Variants in MYOZ2 observed in about 807,000 individuals in gnomAD.
MYOZ2 encodes the protein myozenin 2, also known as myozenin-2.
MYOZ2 carries 19 observed loss-of-function variants against 25.4 expected under a neutral mutation model. The observed-to-expected ratio is 0.75, with a 90% CI of 0.52 to 1.10. MYOZ2 has a LOEUF of 1.10. Among genes scored for constraint, MYOZ2 ranks in the 50% least tolerant of loss-of-function variants. The pLI is 0.00. For missense variants in MYOZ2, 270 were observed against 317.9 expected (o/e 0.85, Z 1.15); for synonymous variants, 92 against 106.9 (o/e 0.86, Z 0.86).
intron 5 of MYOZ2, among the ~76,000 whole-genome samples, chr4:119,165,041 T>C (rs1741791313): frequency 6.6e-6 from 1 of 150,898 alleles, no homozygotes; most frequent in South Asian, 2.1e-4. Context: ...CACTTGACCT[T>C]CATTTTAGAG....
At position 119,174,314 on chromosome 4, in the gene MYOZ2, C is replaced by A. The variant is rs1331639777; in HGVS notation, c.560+9920C>A. Among the ~76,000 whole-genome samples, 3 of 152,318 alleles carry A rather than the reference C, an allele frequency of 2.0e-5. No individual in the cohort carries two copies. The East Asian group carries it at 5.8e-4, about 29-fold the overall frequency. ...CAGGGATTGTAAATGCACCAATCAG[C>A]ACTCTGTATCTAGCTCAAGGTTTGT... On this transcript the variant is annotated intron_variant, in intron 5 of 5. Coordinates refer to ENST00000307128, the MANE Select transcript of MYOZ2 (RefSeq NM_016599.5).
intron 2 of MYOZ2, among the ~76,000 whole-genome samples, chr4:119,137,213 A>T (rs982563408): frequency 6.6e-6 from 1 of 152,146 alleles, no homozygotes; most frequent in Non-Finnish European, 1.5e-5. Context: ...ACTCAAAAAA[A>T]TTTTAATATA....
intron 5 of MYOZ2, among the ~76,000 whole-genome samples, chr4:119,175,737 G>A (rs542085892): frequency 2.0e-5 from 3 of 149,248 alleles, no homozygotes; most frequent in South Asian, 2.2e-4. Context: ...GGGTGACAGC[G>A]TGAGGCTCCA....
intron 2 of MYOZ2, among the ~76,000 whole-genome samples, chr4:119,145,747 ACT>A (rs1176018717): frequency 6.6e-6 from 1 of 151,664 alleles, no homozygotes; most frequent in Non-Finnish European, 1.5e-5. Context: ...ACTAGGAAGA[ACT>A]CTCTTCTATT....
intron 2 of MYOZ2, among the ~76,000 whole-genome samples, chr4:119,141,477 A>C (rs573605971): frequency 6.6e-6 from 1 of 152,054 alleles, no homozygotes; most frequent in East Asian, 1.9e-4. Flanking sequence ...CCACTTCCTG[A>C]GTTCAAGTGA....
At chr4:119,158,330 T>G (rs1186468436) in intron 4 of MYOZ2, among the ~76,000 whole-genome samples, 179 bp downstream of exon 4, 3 of 152,060 alleles carry the variant, frequency 2.0e-5, no homozygotes, top group African/African-American at 7.2e-5. Flanking sequence ...CTGAGGTGGG[T>G]GGATCACCTG....
rs547014473 is a variant in MYOZ2 at position 119,146,901 on chromosome 4, T to G, written c.77-3971T>G. On this transcript the variant is annotated intron_variant, in intron 2 of 5. Coordinates refer to ENST00000307128, the MANE Select transcript of MYOZ2 (RefSeq NM_016599.5). Reference sequence around the variant, plus strand: ...TTTAAATATTTTATAGCTCTGTTTTTGGTGCATGTACATTTGGGATTTCTA... The same window carrying G: ...TTTAAATATTTTATAGCTCTGTTTTGGGTGCATGTACATTTGGGATTTCTA... 5.9e-5 allele frequency among the ~76,000 whole-genome samples: 9 copies of G among 152,350 alleles called. No homozygotes were observed. The South Asian group carries it at 1.9e-3, about 32-fold the overall frequency.
At chr4:119,170,876 A>G (rs1490747637) in intron 5 of MYOZ2, among the ~76,000 whole-genome samples, 2 of 152,198 alleles carry the variant, frequency 1.3e-5, no homozygotes, top group Non-Finnish European at 2.9e-5. Context: ...CACAAAAGGC[A>G]CATGATTGTA....
chr4:119,136,255 C>A (rs186130212), intron 1 of MYOZ2, among the ~76,000 whole-genome samples: 1 of 152,236 alleles, frequency 6.6e-6, no homozygotes, highest in African/African-American at 2.4e-5. Flanking sequence ...GAAAGGAGAC[C>A]AGCAATTTCA....
intron 2 of MYOZ2, among the ~76,000 whole-genome samples, chr4:119,146,264 GC>G (rs1216186675): frequency 6.6e-6 from 1 of 150,978 alleles, no homozygotes; most frequent in Non-Finnish European, 1.5e-5. Context: ...CGTTCTGCTT[GC>G]TTTGAGTTTA....
rs1741961920 is a variant in MYOZ2, at chr4:119,172,228, C to CT, written c.560+7835dup. Reference sequence around the variant, plus strand: ...CCCCCCAAAGGGTTCTCCTTGCCCCCTGCCTAGACAGAGCTGATTTATCAA... The same window carrying CT: ...CCCCCCAAAGGGTTCTCCTTGCCCCCTTGCCTAGACAGAGCTGATTTATCAA... On this transcript the variant is annotated intron_variant, in intron 5 of 5. Transcript: ENST00000307128. Among the ~76,000 whole-genome samples, 4 of 152,344 alleles carry CT rather than the reference C, an allele frequency of 2.6e-5. No homozygotes were observed. The South Asian group carries it at 8.3e-4, about 32-fold the overall frequency.
intron 4 of MYOZ2, among the ~76,000 whole-genome samples, chr4:119,160,210 A>G (rs1231989066): frequency 1.3e-5 from 2 of 152,146 alleles, no homozygotes; most frequent in Non-Finnish European, 2.9e-5. Flanking sequence ...GCACTCAGTT[A>G]AAGTTAATTC....
At chr4:119,136,478 C>T (rs761208004) in intron 1 of MYOZ2, 34 bp from the exon 2 acceptor site, 4 of 1,554,316 alleles carry the variant, frequency 2.6e-6, no homozygotes, top group Non-Finnish European at 2.7e-6. Flanking sequence ...GAGTTCTTCA[C>T]ATTGCCTCAA....
At chr4:119,159,852 A>G (rs1162808690) in intron 4 of MYOZ2, among the ~76,000 whole-genome samples, 1 of 152,212 alleles carries the variant, frequency 6.6e-6, no homozygotes, top group Non-Finnish European at 1.5e-5. Context: ...TTAGCAAAAT[A>G]ATACCGAAGG....
At chr4:119,163,976 AT>A (rs2149225142) in intron 4 of MYOZ2, among the ~76,000 whole-genome samples, 1 of 152,330 alleles carries the variant, frequency 6.6e-6, no homozygotes, top group Non-Finnish European at 1.5e-5. Context: ...AAAAAACTGT[AT>A]AATTTGGAAA....
chr4:119,183,271 A>G (rs1742224865), intron 5 of MYOZ2, among the ~76,000 whole-genome samples: 1 of 152,130 alleles, frequency 6.6e-6, no homozygotes, highest in Non-Finnish European at 1.5e-5. Flanking sequence ...AGGGGAGGTG[A>G]AAATAGAAGT....
chr4:119,145,720 T>C (rs1305933828), intron 2 of MYOZ2, among the ~76,000 whole-genome samples: 1 of 152,122 alleles, frequency 6.6e-6, no homozygotes, highest in African/African-American at 2.4e-5. Context: ...CAGTGTATTA[T>C]TACCTTAATG....
chr4:119,137,397 T>G (rs1741054345), intron 2 of MYOZ2, among the ~76,000 whole-genome samples: 1 of 152,156 alleles, frequency 6.6e-6, no homozygotes, highest in Admixed American at 6.6e-5. Flanking sequence ...CAGGTCCTCT[T>G]AGGAGCTGAT....
At chr4:119,141,352 A>G (rs1741154529) in intron 2 of MYOZ2, among the ~76,000 whole-genome samples, 1 of 152,084 alleles carries the variant, frequency 6.6e-6, no homozygotes. Flanking sequence ...ACCAATAAGA[A>G]AGTACACCTA....
Sources: gnomAD v4.1 joint callset for allele counts (sites outside exome capture counted in the v4.1 genomes callset) on GRCh38, gnomAD v4.1.1 for gene constraint, MANE v1.5 for transcripts, NCBI Gene and HGNC (gene_info 2026-07-23, HGNC 2026-07-21) for gene names.